Variants in NRG1 observed in about 807,000 individuals in gnomAD.
The protein encoded by NRG1 is neuregulin 1, also known as pro-neuregulin-1, membrane-bound isoform.
Under a neutral mutation model 63.8 loss-of-function variants are expected in NRG1, and 18 were observed. That is an observed-to-expected ratio of 0.28 (90% confidence interval 0.19 to 0.42). NRG1 has a LOEUF of 0.42. NRG1 is among the 10% of genes least tolerant of loss of function. The probability of loss-of-function intolerance (pLI) is 1.00; values close to 1 mark genes in which losing one functional copy is unlikely to be tolerated. For missense variants in NRG1, 762 were observed against 814.7 expected (o/e 0.94, Z 0.79); for synonymous variants, 302 against 301.3 (o/e 1.00, Z -0.02).
intron 1 of NRG1, among the ~76,000 whole-genome samples, chr8:31,906,123 C>A (rs1832500473): frequency 6.6e-6 from 1 of 152,354 alleles, no homozygotes; most frequent in South Asian, 2.1e-4. Flanking sequence ...AACTCAAGGT[C>A]TCCCATGTGA....
At chr8:31,894,017 AAAT>A (rs1453881307) in intron 1 of NRG1, among the ~76,000 whole-genome samples, 4 of 152,142 alleles carry the variant, frequency 2.6e-5, no homozygotes, top group Non-Finnish European at 5.9e-5. Context: ...CATTTCCAAA[AAAT>A]GTTTAGAGAA....
intron 1 of NRG1, among the ~76,000 whole-genome samples, chr8:31,654,404 G>A (rs115930387): frequency 2.3e-3 from 349 of 152,326 alleles, no homozygotes; most frequent in African/African-American, 8.2e-3. Context: ...TTATTGTTAT[G>A]CTGTCTTTAA....
At chr8:32,525,308 T>C (rs1830713446) in intron 1 of NRG1, among the ~76,000 whole-genome samples, 1 of 152,162 alleles carries the variant, frequency 6.6e-6, no homozygotes, top group African/African-American at 2.4e-5. Context: ...GCTGCCCCTG[T>C]GGCACTGCTG....
intron 1 of NRG1, among the ~76,000 whole-genome samples, chr8:32,489,228 G>A (rs533832912): frequency 2.6e-4 from 39 of 152,210 alleles, no homozygotes; most frequent in Middle Eastern, 3.4e-3. Context: ...GTTTACTGGC[G>A]TTGTACACAT....
chr8:32,302,717 A>G (rs937170539), intron 1 of NRG1, among the ~76,000 whole-genome samples: 1 of 146,146 alleles, frequency 6.8e-6, no homozygotes, highest in Non-Finnish European at 1.5e-5. Flanking sequence ...CTATTGCCAC[A>G]GTGGTTTTAT....
chr8:32,020,529 A>G (rs1816261137), intron 1 of NRG1, among the ~76,000 whole-genome samples: 1 of 152,114 alleles, frequency 6.6e-6, no homozygotes, highest in Admixed American at 6.5e-5. Context: ...GTGATAATAG[A>G]CATCCTTGTC....
At position 32,532,374 on chromosome 8, in the gene NRG1, C is replaced by T. The variant is rs1476819977; in HGVS notation, c.38-63454C>T. 2.6e-5 allele frequency among the ~76,000 whole-genome samples: 4 copies of T among 152,100 alleles called. No homozygotes were observed. The South Asian group carries it at 6.2e-4, about 24-fold the overall frequency. On this transcript the variant is annotated intron_variant, in intron 1 of 10. Coordinates refer to the NRG1 transcript ENST00000519301. ...ATACTTTTTTCCAAAACTGTCCTTG[C>T]AGTTAAGGTGCTGTTAATTCAAAGT...
At chr8:32,759,160 A>C (rs1402999651) in intron 9 of NRG1, 146 bp from the exon 10 acceptor site, 20 of 926,880 alleles carry the variant, frequency 2.2e-5, no homozygotes, top group Middle Eastern at 6.5e-4. Flanking sequence ...GCCATTGGGG[A>C]AATGGAATTT....
intron 1 of NRG1, among the ~76,000 whole-genome samples, chr8:31,680,920 A>G (rs1043855331): frequency 6.6e-6 from 1 of 152,186 alleles, no homozygotes; most frequent in Non-Finnish European, 1.5e-5. Context: ...CCTCCCAGAT[A>G]TTAAAACTGT....
At chr8:32,487,347 A>G (rs1055784839) in intron 1 of NRG1, among the ~76,000 whole-genome samples, 2 of 152,170 alleles carry the variant, frequency 1.3e-5, no homozygotes, top group South Asian at 4.1e-4. Context: ...ACGAAATGCA[A>G]CTTGGATTCA....
intron 5 of NRG1, among the ~76,000 whole-genome samples, chr8:32,643,215 G>A (rs1277994187): frequency 1.3e-5 from 2 of 152,082 alleles, no homozygotes; most frequent in Non-Finnish European, 2.9e-5. Flanking sequence ...GATTAATTGT[G>A]GCTGCAAATT....
intron 1 of NRG1, among the ~76,000 whole-genome samples, chr8:31,927,373 CTG>C (rs1163456502): frequency 6.7e-6 from 1 of 149,014 alleles, no homozygotes; most frequent in Non-Finnish European, 1.5e-5. Context: ...GCCCAGAAAT[CTG>C]AATTTTTTTT....
At chr8:32,756,071 G>A in intron 8 of NRG1, among the ~76,000 whole-genome samples, 1 of 152,144 alleles carries the variant, frequency 6.6e-6, no homozygotes, top group Non-Finnish European at 1.5e-5. Context: ...AGACAAATAA[G>A]TGTCCATTTG....
At chr8:32,748,759 T>C in intron 7 of NRG1, 3 of 453,688 alleles carry the variant, frequency 6.6e-6, no homozygotes, top group South Asian at 3.1e-5. Flanking sequence ...GAATTGGATC[T>C]TTCCCACTTA....
intron 1 of NRG1, among the ~76,000 whole-genome samples, chr8:32,326,158 C>A (rs967786037): frequency 6.6e-6 from 1 of 151,852 alleles, no homozygotes; most frequent in Non-Finnish European, 1.5e-5. Context: ...TACAGGCGCA[C>A]GCCACCATGC....
At position 31,640,665 on chromosome 8, in the gene NRG1, C is replaced by A. The variant is rs778845465; in HGVS notation, c.37+1234C>A. Reference sequence around the variant, plus strand: ...CGCCGGCCGCCTTCCGAGCCTCTTTCCCCCCTCTGGAGACGGGCCGGAACC... The same window carrying A: ...CGCCGGCCGCCTTCCGAGCCTCTTTACCCCCTCTGGAGACGGGCCGGAACC... On this transcript the variant is annotated intron_variant, in intron 1 of 10. Coordinates refer to the NRG1 transcript ENST00000519301. This position sits in a 1 kb window ranked among gnomAD's most constrained non-coding sequence, Gnocchi z 6.3. The A allele has an allele frequency of 1.9e-6, 3 of 1,608,010 alleles. No homozygotes were observed. The highest frequency in any genetic ancestry group is 2.3e-5 in the East Asian group (1 of 44,422).
intron 1 of NRG1, among the ~76,000 whole-genome samples, chr8:32,075,514 C>G (rs12543109): frequency 0.97 from 147,982 of 152,270 alleles, 72,049 homozygotes; most frequent in Non-Finnish European, 1. Context: ...ATTAAATGCT[C>G]AAATCCCTTA....
intron 1 of NRG1, among the ~76,000 whole-genome samples, chr8:32,127,246 A>G (rs1338223576): frequency 6.6e-6 from 1 of 151,748 alleles, no homozygotes; most frequent in African/African-American, 2.4e-5. Flanking sequence ...TGTGGATTTT[A>G]CCTCTTAAAC....
intron 1 of NRG1, among the ~76,000 whole-genome samples, chr8:31,669,215 C>T (rs531714418): frequency 2.0e-5 from 3 of 149,818 alleles, no homozygotes; most frequent in East Asian, 4.0e-4. Flanking sequence ...CCTGCAGCAC[C>T]ATGCCAATGC....
Sources: gnomAD v4.1 joint callset for allele counts (sites outside exome capture counted in the v4.1 genomes callset) on GRCh38, gnomAD v4.1.1 for gene constraint, Gnocchi (gnomAD v3.1) non-coding constraint, MANE v1.5 for transcripts, NCBI Gene and HGNC (gene_info 2026-07-23, HGNC 2026-07-21) for gene names.